UBE2L3: variants seen among roughly 807,000 people sequenced by gnomAD.
The protein encoded by UBE2L3 is ubiquitin-conjugating enzyme E2 L3.
In UBE2L3, 1 loss-of-function variant was observed where a neutral mutation model predicts 17.8. That is an observed-to-expected ratio of 0.06 (90% CI 0.02 to 0.27). The LOEUF is 0.27. UBE2L3 is among the 10% of genes least tolerant of loss of function. The pLI, the probability that UBE2L3 is intolerant of heterozygous loss-of-function variation, is 1.00. For synonymous variants in UBE2L3, 44 were observed against 68.5 expected (o/e 0.64, Z 1.76); for missense variants, 40 against 192.6 (o/e 0.21, Z 4.69).
chr22:21,575,178 G>A (rs1205924203), intron 1 of UBE2L3, among the ~76,000 whole-genome samples: 1 of 147,356 alleles, frequency 6.8e-6, no homozygotes, highest in Non-Finnish European at 1.5e-5. Flanking sequence ...AGAATTGCTT[G>A]AACCCAGGAG....
At chr22:21,567,711 T>G, upstream of UBE2L3, 1 of 1,572,418 alleles carries the variant, frequency 6.4e-7, no homozygotes, top group African/African-American at 1.3e-5. Flanking sequence ...CCGGCCGCGA[T>G]GCATTCTGGG....
chr22:21,583,838 A>G (rs577929568), intron 1 of UBE2L3, among the ~76,000 whole-genome samples: 6 of 152,300 alleles, frequency 3.9e-5, no homozygotes, highest in Admixed American at 2.6e-4. Flanking sequence ...TTACTCATAT[A>G]GAAGGTTGAA....
intron 2 of UBE2L3, among the ~76,000 whole-genome samples, chr22:21,595,784 G>A (rs549669926): frequency 7.2e-5 from 11 of 152,124 alleles, no homozygotes; most frequent in Non-Finnish European, 1.2e-4. Flanking sequence ...TAGAGGTGTG[G>A]TAGTCACCCT....
At position 21,622,565 on chromosome 22, in the gene UBE2L3, C is replaced by G. The variant is rs549581051; in HGVS notation, c.*896C>G. 1 of 152,932 alleles carries G rather than the reference C, an allele frequency of 6.5e-6. No individual in the cohort carries two copies. The highest frequency in any genetic ancestry group is 6.5e-5 in the Admixed American group (1 of 15,280). The allele number at this position is 152,932 out of a possible 1,614,324, so 9.5% of individuals were successfully genotyped here. A position where few individuals can be genotyped will look rare whatever the true frequency, so the allele number is the denominator to read the frequency against. On this transcript the variant is annotated 3_prime_UTR_variant, in exon 4 of 4. Coordinates refer to ENST00000342192, the MANE Select transcript of UBE2L3 (RefSeq NM_003347.4). ...CAGGCAAAGCTACAGCCAGAATGTC[C>G]GTTTGAAACTCCTAGCTCATCTGTC...
At chr22:21,600,162 A>C (rs1928777174) in intron 2 of UBE2L3, among the ~76,000 whole-genome samples, 1 of 151,720 alleles carries the variant, frequency 6.6e-6, no homozygotes, top group Non-Finnish European at 1.5e-5. Flanking sequence ...AAATACAAAA[A>C]ATTAGCCGGG....
In UBE2L3 at chr22:21,610,934, G is replaced by T. The variant is rs1026342531; in HGVS notation, c.201G>T (p.Lys67Asn). 2 of 1,613,834 alleles carry T rather than the reference G, an allele frequency of 1.2e-6. No homozygotes were observed. Among genetic ancestry groups the T allele is most frequent in the Non-Finnish European group, 1.7e-6 (2 of 1,179,990 alleles). Reference protein sequence around the residue: ...FPAEYPFKPPKITFKTKIYHP... With the variant: ...FPAEYPFKPPNITFKTKIYHP... ...CAGAGTACCCATTCAAACCACCGAAGATCACATTTAAAACAAAGATCTATC... is the reference window on the plus strand; with the variant it reads ...CAGAGTACCCATTCAAACCACCGAATATCACATTTAAAACAAAGATCTATC... Residue 67 changes from lysine (K) to asparagine (N), a missense_variant, in exon 3 of 4, where the codon AAG becomes AAT. Transcript: ENST00000342192.
chr22:21,562,573 A>T lies in UBE2L3; in HGVS notation c.201+12923A>T, dbSNP rs1033570712. Among the ~76,000 whole-genome samples, 307 of 149,900 alleles carry T rather than the reference A, an allele frequency of 2.0e-3. 1 individual carries two copies. Among genetic ancestry groups the T allele is most frequent in the African/African-American group, 6.8e-3 (279 of 40,812 alleles). ...TTTTTAGTAGAGACGGGGTTTCACCATGTTAGCCAGGATGGTCTCGATCTC... is the reference window on the plus strand; with the variant it reads ...TTTTTAGTAGAGACGGGGTTTCACCTTGTTAGCCAGGATGGTCTCGATCTC... On this transcript the variant is annotated intron_variant, in intron 1 of 3. Coordinates refer to the UBE2L3 transcript ENST00000458578.
At chr22:21,570,367 A>G (rs960914222) in intron 1 of UBE2L3, among the ~76,000 whole-genome samples, 10 of 152,236 alleles carry the variant, frequency 6.6e-5, no homozygotes, top group African/African-American at 2.4e-4. Context: ...GTATTTATTA[A>G]GTATTAGGTT....
At chr22:21,556,476 C>T (rs1411511891) in intron 1 of UBE2L3, among the ~76,000 whole-genome samples, 1 of 152,264 alleles carries the variant, frequency 6.6e-6, no homozygotes, top group African/African-American at 2.4e-5. Context: ...GTCATCCAGG[C>T]TGGAGTGCAG....
At chr22:21,578,158 C>T (rs907708026) in intron 1 of UBE2L3, among the ~76,000 whole-genome samples, 2 of 151,878 alleles carry the variant, frequency 1.3e-5, no homozygotes, top group Non-Finnish European at 2.9e-5. Context: ...GAGATCGAGA[C>T]CATCCTGGCT....
At chr22:21,589,958 C>G (rs938898789) in intron 1 of UBE2L3, among the ~76,000 whole-genome samples, 8 of 152,130 alleles carry the variant, frequency 5.3e-5, no homozygotes, top group Admixed American at 6.6e-5. Context: ...GTGGCTCACT[C>G]CCATGGCAGT....
upstream of UBE2L3, chr22:21,567,433 G>C (rs373808242): frequency 4.2e-4 from 158 of 377,614 alleles, no homozygotes; most frequent in African/African-American, 3.3e-3. Context: ...AAAGTGCTGG[G>C]ATTACAGGCG....
intron 1 of UBE2L3, among the ~76,000 whole-genome samples, chr22:21,558,491 T>C (rs406499): frequency 1.3e-3 from 189 of 151,196 alleles, no homozygotes; most frequent in African/African-American, 4.0e-3. Context: ...AATAGCCAGG[T>C]GTGGTGGCGG....
chr22:21,617,249 G>C (rs368944575), intron 3 of UBE2L3, among the ~76,000 whole-genome samples: 1 of 151,484 alleles, frequency 6.6e-6, no homozygotes, highest in Non-Finnish European at 1.5e-5. Context: ...TGGCTAATTT[G>C]TTGTGTGGGT....
chr22:21,617,623 C>CA (rs1929844726), intron 3 of UBE2L3, among the ~76,000 whole-genome samples: 1 of 152,036 alleles, frequency 6.6e-6, no homozygotes. Flanking sequence ...TTCTGAGGAG[C>CA]ATTTGGGTCA....
chr22:21,583,938 G>A (rs7290769), intron 1 of UBE2L3, among the ~76,000 whole-genome samples: 272 of 152,178 alleles, frequency 1.8e-3, no homozygotes, highest in Non-Finnish European at 3.2e-3. Context: ...TCAATGGAGC[G>A]ATCTTGGCTC....
At chr22:21,576,351 G>C (rs1189500532) in intron 1 of UBE2L3, among the ~76,000 whole-genome samples, 1 of 150,368 alleles carries the variant, frequency 6.7e-6, no homozygotes, top group Non-Finnish European at 1.5e-5. Context: ...ATGCTGGAGT[G>C]CAGTGGTGCG....
intron 1 of UBE2L3, among the ~76,000 whole-genome samples, chr22:21,569,608 G>A (rs1926848428): frequency 6.6e-6 from 1 of 152,134 alleles, no homozygotes; most frequent in Non-Finnish European, 1.5e-5. Flanking sequence ...GTCCTCAGCA[G>A]TTAATCCTAA....
At chr22:21,560,687 G>C (rs1926402745) in intron 1 of UBE2L3, among the ~76,000 whole-genome samples, 1 of 150,922 alleles carries the variant, frequency 6.6e-6, no homozygotes, top group Non-Finnish European at 1.5e-5. Context: ...CTGACCTCAG[G>C]TGATCTGCCC....
Sources: gnomAD v4.1 joint callset for allele counts (sites outside exome capture counted in the v4.1 genomes callset) on GRCh38, gnomAD v4.1.1 for gene constraint, MANE v1.5 for transcripts, NCBI Gene and HGNC (gene_info 2026-07-23, HGNC 2026-07-21) for gene names.